Variants in VWA8 observed in about 807,000 individuals in gnomAD.
The protein encoded by VWA8 is von Willebrand factor A domain-containing protein 8.
Under a neutral mutation model 241.5 loss-of-function variants are expected in VWA8, and 221 were observed. The ratio of observed to expected loss-of-function variants is 0.91; its 90% CI spans 0.82 to 1.02. The LOEUF is 1.02. Among genes scored for constraint, VWA8 ranks in the 50% least tolerant of loss-of-function variants. The pLI is 0.00. For synonymous variants in VWA8, 852 were observed against 827.1 expected (o/e 1.03, Z -0.52); for missense variants, 2,322 against 2,328.7 (o/e 1.00, Z 0.06).
Position 41,587,492 on chromosome 13 carries a change from TTC to T in VWA8, c.5271+18_5271+19del. ...TCATGGTCAATGATGCCTCTCATTA[TTC>T]TTAGTTCATGTCATTACCTGGAACT... On this transcript the variant is annotated intron_variant, in intron 42 of 44. Coordinates refer to ENST00000379310, the MANE Select transcript of VWA8 (RefSeq NM_015058.2). 6.2e-7 allele frequency: 1 copy of T among 1,613,988 alleles called. No individual in the cohort carries two copies. The highest frequency in any genetic ancestry group is 8.5e-7 in the Non-Finnish European group (1 of 1,179,886).
At chr13:41,692,032 T>A (rs1277411708) in intron 30 of VWA8, 94 bp from the exon 31 acceptor site, 6 of 762,814 alleles carry the variant, frequency 7.9e-6, no homozygotes, top group African/African-American at 3.5e-5. Context: ...ATAAAGTTCT[T>A]CAACTAGTAA....
At chr13:41,830,103 T>C (rs1871371585) in intron 14 of VWA8, among the ~76,000 whole-genome samples, 1 of 151,498 alleles carries the variant, frequency 6.6e-6, no homozygotes, top group Non-Finnish European at 1.5e-5. Context: ...ATTAGCTGGG[T>C]GTAGTGGCGG....
chr13:41,597,087 T>C (rs1273976464), intron 40 of VWA8, among the ~76,000 whole-genome samples: 1 of 152,138 alleles, frequency 6.6e-6, no homozygotes, highest in East Asian at 1.9e-4. Context: ...ATAGAGAGTT[T>C]ATACATTCTA....
chr13:41,625,077 C>T (rs184660397), intron 37 of VWA8, among the ~76,000 whole-genome samples: 2 of 152,080 alleles, frequency 1.3e-5, no homozygotes, highest in African/African-American at 2.4e-5. Flanking sequence ...ACAATAGCCA[C>T]AAAAAGAGTA....
chr13:41,620,045 G>A (rs551992160), intron 37 of VWA8, among the ~76,000 whole-genome samples: 2 of 152,274 alleles, frequency 1.3e-5, no homozygotes, highest in Admixed American at 1.3e-4. Flanking sequence ...AGAAGGAATG[G>A]TACCAGGTCC....
intron 14 of VWA8, among the ~76,000 whole-genome samples, chr13:41,830,156 T>A (rs1187567061): frequency 6.7e-6 from 1 of 148,224 alleles, no homozygotes; most frequent in East Asian, 2.0e-4. Context: ...GGCAGGAGAA[T>A]GGCATGGACC....
At chr13:41,946,488 A>C (rs1407755671) in intron 2 of VWA8, among the ~76,000 whole-genome samples, 1 of 152,200 alleles carries the variant, frequency 6.6e-6, no homozygotes, top group African/African-American at 2.4e-5. Context: ...TAATGTATAA[A>C]GATATAGTTT....
intron 12 of VWA8, among the ~76,000 whole-genome samples, chr13:41,863,452 TATTCA>T (rs1873133073): frequency 1.9e-5 from 2 of 105,406 alleles, no homozygotes; most frequent in African/African-American, 3.4e-5. Context: ...TATATATATA[TATTCA>T]CACACACACA....
chr13:41,924,407 G>A (rs1876726490), intron 2 of VWA8, among the ~76,000 whole-genome samples: 1 of 139,492 alleles, frequency 7.2e-6, no homozygotes, highest in Non-Finnish European at 1.5e-5. Context: ...GAAGGGAGGG[G>A]AGGGGAGGAG....
intron 2 of VWA8, among the ~76,000 whole-genome samples, chr13:41,918,052 T>A (rs1322050360): frequency 1.3e-5 from 2 of 152,166 alleles, no homozygotes; most frequent in Admixed American, 6.5e-5. Flanking sequence ...AGCACCAAAG[T>A]CCTCATTATT....
rs777549499 is a variant in VWA8, at chr13:41,949,983, T to A, written c.194A>T (p.Tyr65Phe). Residue 65 changes from tyrosine to phenylalanine, a missense_variant, in exon 2 of 45, where the codon TAC becomes TTC. Transcript: ENST00000379310. Reference sequence around the variant, plus strand: ...TGGATTCTTAGGAATTTTCAACTTGTAGGATACATCTCCAATATTAACTGT... The same window carrying A: ...TGGATTCTTAGGAATTTTCAACTTGAAGGATACATCTCCAATATTAACTGT... ...GDTVNIGDVS[Y>F]KLKIPKNPEL... 3.1e-6 allele frequency: 5 copies of A among 1,595,912 alleles called. No homozygotes were observed. The highest frequency in any genetic ancestry group is 3.4e-6 in the Non-Finnish European group (4 of 1,168,756).
chr13:41,900,093 T>G (rs770920761), intron 4 of VWA8, among the ~76,000 whole-genome samples: 16 of 152,210 alleles, frequency 1.1e-4, no homozygotes, highest in Non-Finnish European at 2.1e-4. Flanking sequence ...AAGATGCTGT[T>G]ATGTAAGGTT....
chr13:41,713,428 C>T (rs934166207), intron 26 of VWA8, among the ~76,000 whole-genome samples: 2 of 152,004 alleles, frequency 1.3e-5, no homozygotes, highest in African/African-American at 4.8e-5. Context: ...AAAATATTGG[C>T]TATTATGGTC....
chr13:41,810,681 A>T (rs1870426442), intron 17 of VWA8, among the ~76,000 whole-genome samples: 1 of 152,110 alleles, frequency 6.6e-6, no homozygotes, highest in African/African-American at 2.4e-5. Context: ...CATAGATAGA[A>T]TGAAGATCTA....
chr13:41,569,485 C>A (rs1260979330), intron 44 of VWA8, among the ~76,000 whole-genome samples: 1 of 152,154 alleles, frequency 6.6e-6, no homozygotes, highest in Non-Finnish European at 1.5e-5. Context: ...GATATTAAGT[C>A]TGTTCTCAAC....
chr13:41,654,231 T>C (rs191698341), intron 37 of VWA8, among the ~76,000 whole-genome samples: 2 of 152,318 alleles, frequency 1.3e-5, no homozygotes, highest in East Asian at 3.9e-4. Flanking sequence ...GGATGAAAGT[T>C]TGATGAAACA....
chr13:41,855,046 C>G (rs1872682672), intron 12 of VWA8, among the ~76,000 whole-genome samples: 1 of 151,942 alleles, frequency 6.6e-6, no homozygotes, highest in Admixed American at 6.6e-5. Flanking sequence ...TGCTAAACAG[C>G]ATAATTTCAA....
At chr13:41,729,412 T>A (rs1352711622) in intron 23 of VWA8, 130 bp downstream of exon 23, 5 of 877,736 alleles carry the variant, frequency 5.7e-6, no homozygotes, top group Non-Finnish European at 8.1e-6. Flanking sequence ...TGATTGTCAA[T>A]ACAGGCAACT....
chr13:41,731,389 C>T (rs114855917), intron 22 of VWA8, among the ~76,000 whole-genome samples: 2,349 of 152,140 alleles, frequency 0.015, 59 homozygotes, highest in African/African-American at 0.054. Context: ...TTTAAAAAAA[C>T]TTTTCTAGAA....
Sources: allele counts gnomAD v4.1 joint callset (sites outside exome capture counted in the v4.1 genomes callset), GRCh38; gene constraint gnomAD v4.1.1; transcripts MANE v1.5; gene names NCBI Gene and HGNC (gene_info 2026-07-23, HGNC 2026-07-21).